Variants in MMUT observed in about 807,000 individuals in gnomAD.
MMUT encodes the protein methylmalonyl-CoA mutase.
MMUT carries 79 observed loss-of-function variants against 79.9 expected under a neutral mutation model. The ratio of observed to expected loss-of-function variants is 0.99; its 90% CI spans 0.82 to 1.19. The LOEUF is 1.19. MMUT is among the 50% of genes most tolerant of loss of function. The pLI, the probability that MMUT is intolerant of heterozygous loss-of-function variation, is 0.00. For synonymous variants in MMUT, 273 were observed against 295.7 expected, an observed-to-expected ratio of 0.92 and a Z score of 0.79; for missense variants, 860 against 917.2, an observed-to-expected ratio of 0.94 and a Z score of 0.81.
At chr6:49,437,141 T>C (rs1767152497) in intron 11 of MMUT, among the ~76,000 whole-genome samples, 1 of 152,222 alleles carries the variant, frequency 6.6e-6, no homozygotes, top group South Asian at 2.1e-4. Flanking sequence ...CTTCCTAATG[T>C]AATGCCTACA....
At chr6:49,438,041 T>A (rs1298293898) in intron 11 of MMUT, among the ~76,000 whole-genome samples, 1 of 152,134 alleles carries the variant, frequency 6.6e-6, no homozygotes, top group East Asian at 1.9e-4. Flanking sequence ...AGTAATAATT[T>A]ACATAGTAAA....
chr6:49,449,412 A>G (rs1008487657), intron 6 of MMUT, among the ~76,000 whole-genome samples: 2 of 152,190 alleles, frequency 1.3e-5, no homozygotes, highest in Admixed American at 6.5e-5. Context: ...AGCAGAAAGG[A>G]TCAAGGTCAA....
chr6:49,434,858 T>C (rs1036725456), intron 12 of MMUT, among the ~76,000 whole-genome samples: 3 of 152,158 alleles, frequency 2.0e-5, no homozygotes, highest in Admixed American at 6.5e-5. Context: ...CAATAGGATA[T>C]TTTTGGCTCC....
chr6:49,459,892 A>G (rs1361779637), intron 1 of MMUT, among the ~76,000 whole-genome samples: 2 of 152,206 alleles, frequency 1.3e-5, no homozygotes, highest in African/African-American at 2.4e-5. Context: ...TTTTTCATTC[A>G]AAGTGCTTTT....
At position 49,440,294 on chromosome 6, in the gene MMUT, C is replaced by A. The variant is rs1767240677; in HGVS notation, c.1868G>T (p.Gly623Val). Residue 623 changes from glycine (G) to valine (V), a missense_variant, in exon 11 of 13, where the codon GGA becomes GTA. Transcript: ENST00000274813. ...TGCTCCTCTGTCATGGCCATCTTGT[C>A]CCATTTTTGCTACAAGAAGACGAGG... ...RRPRLLVAKM[G>V]QDGHDRGAKV... 6 of 1,613,896 alleles carry A rather than the reference C, an allele frequency of 3.7e-6. No individual in the cohort carries two copies. The South Asian group carries it at 5.5e-5, about 15-fold the overall frequency.
At position 49,444,747 on chromosome 6, in the gene MMUT, G is replaced by A. The variant is rs570658958; in HGVS notation, c.1568C>T (p.Ser523Phe). ...TTCAGCCAAAGCTTGATCCCTGCTGGATTTGATCTATGGAAAAAGTCAAGG... is the reference window on the plus strand; with the variant it reads ...TTCAGCCAAAGCTTGATCCCTGCTGAATTTGATCTATGGAAAAAGTCAAGG... ...RQIEKLKKIK[S>F]SRDQALAERC... is the part of the protein sequence containing the mutation. The change falls in exon 9 of 13, where the codon TCC (serine) becomes TTC (phenylalanine). Residue 523 changes from serine (S) to phenylalanine (F), a missense_variant. Transcript: ENST00000274813. The A allele has an allele frequency of 6.2e-7, 1 of 1,611,660 alleles. No individual in the cohort carries two copies. Among genetic ancestry groups the A allele is most frequent in the African/African-American group, 1.3e-5 (1 of 74,932 alleles).
At chr6:49,456,472 G>A (rs1767693732) in intron 3 of MMUT, among the ~76,000 whole-genome samples, 1 of 152,036 alleles carries the variant, frequency 6.6e-6, no homozygotes, top group Non-Finnish European at 1.5e-5. Context: ...TTTTTCTGGT[G>A]GACAAGAATT....
intron 12 of MMUT, among the ~76,000 whole-genome samples, chr6:49,432,613 T>C (rs62411929): frequency 0.3 from 45,802 of 151,982 alleles, 7,414 homozygotes; most frequent in South Asian, 0.37. Context: ...GGTCTCAATC[T>C]CCTGACCTCG....
chr6:49,460,419 C>T (rs1767810513), intron 1 of MMUT, among the ~76,000 whole-genome samples: 1 of 152,170 alleles, frequency 6.6e-6, no homozygotes, highest in Admixed American at 6.6e-5. Flanking sequence ...GCTAAATGGC[C>T]TCTTCAATAA....
intron 9 of MMUT, among the ~76,000 whole-genome samples, chr6:49,442,459 G>A (rs1767302103): frequency 6.6e-6 from 1 of 152,014 alleles, no homozygotes; most frequent in African/African-American, 2.4e-5. Flanking sequence ...CAAAGAAAAA[G>A]TACTTGTTCT....
Position 49,431,505 on chromosome 6 carries a change from G to C in MMUT, c.*223C>G. 4.8e-6 allele frequency: 2 copies of C among 414,182 alleles called. No individual in the cohort carries two copies. Among genetic ancestry groups the C allele is most frequent in the Non-Finnish European group, 8.9e-6 (2 of 224,710 alleles). 25.7% of individuals were successfully genotyped at this position (414,182 alleles called of 1,614,324 possible). A position where few individuals can be genotyped will look rare whatever the true frequency, so the allele number is the denominator to read the frequency against. On this transcript the variant is annotated 3_prime_UTR_variant, in exon 13 of 13. Coordinates refer to ENST00000274813, the MANE Select transcript of MMUT (RefSeq NM_000255.4). ...GTTCTTGATAAAGTATTGTTATAGA[G>C]AGTATAGAGAGTTTTTAGGGATTTT...
Position 49,440,078 on chromosome 6 carries a change from T to A in MMUT, c.1956+128A>T, listed in dbSNP as rs1467225606. 9.5e-6 allele frequency: 12 copies of A among 1,261,928 alleles called. No homozygotes were observed. The East Asian group carries it at 2.1e-4, about 22-fold the overall frequency. The allele number at this position is 1,261,928 out of a possible 1,614,324, so 78.2% of individuals were successfully genotyped here. Reference sequence around the variant, plus strand: ...AATGGAGAGAAAGGCATTTGCCAAGTCAGTGGCTACATACCAGTTACCAGG... The same window carrying A: ...AATGGAGAGAAAGGCATTTGCCAAGACAGTGGCTACATACCAGTTACCAGG... On this transcript the variant is annotated intron_variant, in intron 11 of 12. Coordinates refer to ENST00000274813, the MANE Select transcript of MMUT (RefSeq NM_000255.4).
intron 9 of MMUT, 141 bp downstream of exon 9, chr6:49,444,495 TAAG>T (rs1767358048): frequency 1.4e-6 from 1 of 698,678 alleles, no homozygotes; most frequent in Non-Finnish European, 2.5e-6. Context: ...TTTAAAATGA[TAAG>T]AATTAAATTT....
At chr6:49,456,319 T>G in intron 3 of MMUT, 82 bp from the exon 4 acceptor site, 3 of 973,246 alleles carry the variant, frequency 3.1e-6, no homozygotes, top group Non-Finnish European at 4.8e-6. Context: ...AGCATAAACA[T>G]TATTTTAAAA....
rs770810987 is a variant in MMUT, at chr6:49,457,761, C to T, written c.683G>A (p.Arg228Gln). The T allele has an allele frequency of 2.8e-5, 45 of 1,611,664 alleles. No individual in the cohort carries two copies. The highest frequency in any genetic ancestry group is 3.6e-5 in the Non-Finnish European group (42 of 1,178,366). ...TTCTGGAGGAAAAATGTATGTATTT[C>T]GAACCATAAATTCCTTTAGTATATC... ...QNDILKEFMV[R>Q]NTYIFPPEPS... The change falls in exon 3 of 13, where the codon CGA (arginine) becomes CAA (glutamine). Residue 228 changes from arginine (R) to glutamine (Q), a missense_variant. Physicochemically the swap from Arg to Gln is conservative, Grantham distance 43. Coordinates refer to ENST00000274813, the MANE Select transcript of MMUT (RefSeq NM_000255.4).
chr6:49,445,293 A>G lies in MMUT; in HGVS notation c.1561-539T>C, dbSNP rs192065306. On this transcript the variant is annotated intron_variant, in intron 8 of 12. Coordinates refer to ENST00000274813, the MANE Select transcript of MMUT (RefSeq NM_000255.4). ...GAAAAAGATATACAATGAAAAGCAC[A>G]GTAAAAAAGTTTTCCCTGGGTCCTA... Among the ~76,000 whole-genome samples, 508 of 152,268 alleles carry G rather than the reference A, an allele frequency of 3.3e-3. 3 individuals carry two copies. The highest frequency in any genetic ancestry group is 0.012 in the African/African-American group (493 of 41,566).
rs2127417971 is a variant in MMUT, at chr6:49,451,688, A to G, written c.1110T>C (p.Thr370=). The change falls in exon 6 of 13, where the codon ACT becomes ACC. Residue 370 remains threonine (T), a synonymous_variant. Coordinates refer to ENST00000274813, the MANE Select transcript of MMUT (RefSeq NM_000255.4). ...ATACTGCTGCCATTGCTTCTATTGC[A>G]GTACGGACAATATTATTGTAGGGAT... ...EQDPYNNIVR[T]AIEAMAAVFG... 4 of 1,613,984 alleles carry G rather than the reference A, an allele frequency of 2.5e-6. No individual in the cohort carries two copies. The highest frequency in any genetic ancestry group is 4.5e-5 in the East Asian group (2 of 44,870).
Position 49,431,639 on chromosome 6 carries a change from T to C in MMUT, c.*89A>G. ...TTCAAGGAAAGTACAAATCAGGTATTGAAATTAAATTGAAGACATAGCTTT... is the reference window on the plus strand; with the variant it reads ...TTCAAGGAAAGTACAAATCAGGTATCGAAATTAAATTGAAGACATAGCTTT... On this transcript the variant is annotated 3_prime_UTR_variant, in exon 13 of 13. Transcript: ENST00000274813. The C allele has an allele frequency of 7.2e-7, 1 of 1,384,086 alleles. No individual in the cohort carries two copies. Among genetic ancestry groups the C allele is most frequent in the Non-Finnish European group, 1.0e-6 (1 of 983,350 alleles). The allele number at this position is 1,384,086 out of a possible 1,614,324, so 85.7% of individuals were successfully genotyped here.
intron 10 of MMUT, 85 bp from the exon 11 acceptor site, chr6:49,440,438 C>A: frequency 7.2e-7 from 1 of 1,389,622 alleles, no homozygotes. Flanking sequence ...CACAGCAAAT[C>A]TTTCAAGTTT....
Sources: allele counts gnomAD v4.1 joint callset (sites outside exome capture counted in the v4.1 genomes callset), GRCh38; gene constraint gnomAD v4.1.1; transcripts MANE v1.5; gene names NCBI Gene and HGNC (gene_info 2026-07-23, HGNC 2026-07-21).